EML6: variants seen among roughly 807,000 people sequenced by gnomAD.
The protein encoded by EML6 is EMAP like 6, also known as echinoderm microtubule-associated protein-like 6.
Under a neutral mutation model 240.1 loss-of-function variants are expected in EML6, and 154 were observed. That is an observed-to-expected ratio of 0.64 (90% CI 0.56 to 0.73). The LOEUF is 0.73. Ranked by LOEUF, EML6 falls within the 30% of genes least tolerant of loss-of-function variation. The pLI is 0.00. For synonymous variants in EML6, 1,148 were observed against 899.0 expected, an observed-to-expected ratio of 1.28 and a Z score of -4.95; for missense variants, 2,964 against 2,474.6, an observed-to-expected ratio of 1.20 and a Z score of -4.20.
intron 7 of EML6, among the ~76,000 whole-genome samples, chr2:54,842,000 A>G (rs974717616): frequency 2.6e-5 from 4 of 152,028 alleles, no homozygotes; most frequent in African/African-American, 7.2e-5. Context: ...ACACACATAC[A>G]TAGCTTCCCT....
rs112822355 is a variant in EML6, at chr2:54,780,801, A to C, written c.198-32431A>C. ...AGAATAAACTACATTATGGCTTGTG[A>C]GTCACACGAATAATGATTTGAATTA... On this transcript the variant is annotated intron_variant, in intron 2 of 41. Coordinates refer to ENST00000356458, the MANE Select transcript of EML6 (RefSeq NM_001039753.4). Among the ~76,000 whole-genome samples, 255 of 152,340 alleles carry C rather than the reference A, an allele frequency of 1.7e-3. 2 individuals are homozygous for C. The highest frequency in any genetic ancestry group is 5.8e-3 in the African/African-American group (243 of 41,582).
At chr2:54,954,288 C>A in intron 32 of EML6, 132 bp downstream of exon 32, 2 of 782,714 alleles carry the variant, frequency 2.6e-6, no homozygotes. Context: ...AAGTGGAAAA[C>A]AGGGCACTGG....
chr2:54,843,964 T>TTGTCTGTGTG lies in EML6; in HGVS notation c.848-80_848-79insCTGTGTGTGT, dbSNP rs1669608150. ...GTTAAAGGGCATTTACTTTAGGGTT[T>TTGTCTGTGTG]TGTGTGTGTGTGTGTGTGTGTGTGT... On this transcript the variant is annotated intron_variant, in intron 7 of 41. Transcript: ENST00000356458. The TTGTCTGTGTG allele has an allele frequency of 4.6e-6, 3 of 658,628 alleles. No individual in the cohort carries two copies. The African/African-American group carries it at 5.9e-5, about 13-fold the overall frequency. The allele number at this position is 658,628 out of a possible 1,614,324, so 40.8% of individuals were successfully genotyped here.
At chr2:54,892,773 T>C in intron 19 of EML6, 117 bp downstream of exon 19, 1 of 714,870 alleles carries the variant, frequency 1.4e-6, no homozygotes, top group South Asian at 2.0e-5. Flanking sequence ...AATTAGGAAG[T>C]AGTTGTCATA....
chr2:54,933,752 C>G (rs930466168), intron 28 of EML6, among the ~76,000 whole-genome samples: 1 of 151,822 alleles, frequency 6.6e-6, no homozygotes, highest in African/African-American at 2.4e-5. Context: ...AAAAAAAAAC[C>G]CACTAAAAAC....
Position 54,960,495 on chromosome 2 carries a change from C to A in EML6, c.4968+161C>A, listed in dbSNP as rs192989939. Among the ~76,000 whole-genome samples, 112 of 152,254 alleles carry A rather than the reference C, an allele frequency of 7.4e-4. No homozygotes were observed. In the East Asian group the frequency reaches 0.021, roughly 29 times the overall value. ...GGAAGCAGCTTAAGAGAGTCAGACT[C>A]CCCCAGGAAGAACCAGCTGGGTGAC... On this transcript the variant is annotated intron_variant, in intron 35 of 41. Transcript: ENST00000356458.
chr2:54,738,839 A>G (rs1230654961), intron 2 of EML6, among the ~76,000 whole-genome samples: 7 of 152,166 alleles, frequency 4.6e-5, no homozygotes, highest in Admixed American at 1.3e-4. Context: ...CTACTCGTAC[A>G]AGCATTCTAG....
At chr2:54,934,693 C>G (rs1675045109) in intron 28 of EML6, among the ~76,000 whole-genome samples, 1 of 152,048 alleles carries the variant, frequency 6.6e-6, no homozygotes, top group Admixed American at 6.5e-5. Context: ...GGGACTAGGA[C>G]TACAGGTGTG....
chr2:54,881,533 T>G (rs902550864), intron 17 of EML6: 4 of 150,170 alleles, frequency 2.7e-5, no homozygotes, highest in Admixed American at 2.0e-4. Context: ...CGGGCGCCTG[T>G]AATCCTAGCT....
At chr2:54,796,646 G>C (rs1669794815) in intron 2 of EML6, among the ~76,000 whole-genome samples, 1 of 152,108 alleles carries the variant, frequency 6.6e-6, no homozygotes, top group Non-Finnish European at 1.5e-5. Flanking sequence ...TTAAGTGACT[G>C]TTAGTTCAGT....
intron 11 of EML6, among the ~76,000 whole-genome samples, chr2:54,854,565 A>G (rs759666820): frequency 6.6e-6 from 1 of 152,258 alleles, no homozygotes; most frequent in East Asian, 1.9e-4. Context: ...CGATCTTAGA[A>G]AAGTAATCAA....
intron 28 of EML6, among the ~76,000 whole-genome samples, chr2:54,937,244 C>G (rs1675185858): frequency 6.6e-6 from 1 of 151,044 alleles, no homozygotes; most frequent in Non-Finnish European, 1.5e-5. Context: ...AGCCATTGCA[C>G]TCCAGCCTGG....
At chr2:54,928,848 T>C in intron 28 of EML6, 97 bp downstream of exon 28, 1 of 1,397,512 alleles carries the variant, frequency 7.2e-7, no homozygotes, top group South Asian at 1.3e-5. Flanking sequence ...AGTTGCTGTT[T>C]AAGTCAGTCT....
intron 25 of EML6, among the ~76,000 whole-genome samples, chr2:54,913,251 T>C (rs1490158748): frequency 6.6e-6 from 1 of 152,064 alleles, no homozygotes; most frequent in Non-Finnish European, 1.5e-5. Flanking sequence ...CACTTTTTTT[T>C]TTTTTAAGAC....
chr2:54,826,018 C>G (rs563319482), intron 5 of EML6, among the ~76,000 whole-genome samples: 1 of 152,340 alleles, frequency 6.6e-6, no homozygotes, highest in South Asian at 2.1e-4. Context: ...AGTTCTCTAC[C>G]TTTGAATTTC....
chr2:54,896,195 A>T (rs1340435604), intron 21 of EML6, among the ~76,000 whole-genome samples: 1 of 152,174 alleles, frequency 6.6e-6, no homozygotes, highest in Non-Finnish European at 1.5e-5. Flanking sequence ...AAAGTCCAGA[A>T]TCTCATTATC....
intron 28 of EML6, among the ~76,000 whole-genome samples, chr2:54,939,133 T>C (rs762497153): frequency 3.9e-5 from 6 of 152,272 alleles, no homozygotes; most frequent in African/African-American, 1.4e-4. Flanking sequence ...GCCCATGGAT[T>C]AGATATCAAA....
intron 33 of EML6, 149 bp downstream of exon 33, chr2:54,958,147 A>G (rs1050446710): frequency 1.5e-6 from 1 of 658,544 alleles, no homozygotes; most frequent in African/African-American, 1.8e-5. Flanking sequence ...ATCTGCAACC[A>G]CTGTTCCTTT....
rs559733785 is a variant in EML6, at chr2:54,945,291, C to T, written c.4005-3591C>T. The stretch of plus-strand genomic sequence containing the variant: ...TCTCTCCCCTCTCTCTCTGCCTCCC[C>T]CTTCTCTCTCCCCTCCCCCTCCCCT... On this transcript the variant is annotated intron_variant, in intron 28 of 41. Transcript: ENST00000356458. 4.5e-3 allele frequency among the ~76,000 whole-genome samples: 371 copies of T among 82,978 alleles called. 2 individuals carry two copies. The highest frequency in any genetic ancestry group is 7.6e-3 in the Non-Finnish European group (284 of 37,588). 54.4% of individuals were successfully genotyped at this position (82,978 alleles called of 152,430 possible).
Sources: gnomAD v4.1 joint callset for allele counts (sites outside exome capture counted in the v4.1 genomes callset) on GRCh38, gnomAD v4.1.1 for gene constraint, MANE v1.5 for transcripts, NCBI Gene and HGNC (gene_info 2026-07-23, HGNC 2026-07-21) for gene names.